RTN4RL1: variants seen among roughly 807,000 people sequenced by gnomAD.
RTN4RL1 encodes the protein reticulon-4 receptor-like 1.
RTN4RL1 carries 7 observed loss-of-function variants against 25.6 expected under a neutral mutation model. That is an observed-to-expected ratio of 0.27 (90% CI 0.16 to 0.51). The LOEUF (loss-of-function observed/expected upper bound fraction) is 0.51, where lower values mean the gene tolerates loss of function less well. Ranked by LOEUF, RTN4RL1 falls within the 20% of genes least tolerant of loss-of-function variation. RTN4RL1 has a pLI of 0.97. For missense variants in RTN4RL1, 500 were observed against 615.6 expected (o/e 0.81, Z 1.99); for synonymous variants, 297 against 288.2 (o/e 1.03, Z -0.31).
intron 1 of RTN4RL1, among the ~76,000 whole-genome samples, chr17:2,007,337 AACACACACACAC>A (rs34669886): frequency 4.3e-5 from 6 of 140,406 alleles, no homozygotes; most frequent in Non-Finnish European, 6.1e-5. Context: ...TCACAGCCCC[AACACACACACAC>A]ACACACACAC....
At chr17:1,953,892 A>C (rs1054333154) in intron 1 of RTN4RL1, among the ~76,000 whole-genome samples, 1 of 152,142 alleles carries the variant, frequency 6.6e-6, no homozygotes, top group Non-Finnish European at 1.5e-5. Flanking sequence ...GGATTGGGAG[A>C]TACAAGGAAG....
intron 1 of RTN4RL1, among the ~76,000 whole-genome samples, chr17:1,940,292 A>C (rs1317050972): frequency 6.6e-6 from 1 of 152,148 alleles, no homozygotes; most frequent in African/African-American, 2.4e-5. Context: ...AGGAATTATG[A>C]CTTCAGCGGT....
At chr17:1,943,580 T>C (rs540215079) in intron 1 of RTN4RL1, among the ~76,000 whole-genome samples, 33 of 152,258 alleles carry the variant, frequency 2.2e-4, no homozygotes, top group Non-Finnish European at 3.8e-4. Flanking sequence ...GATCCTCCTC[T>C]CTATGCCAGT....
At position 1,937,214 on chromosome 17, in the gene RTN4RL1, A is replaced by C; in HGVS notation, c.608T>G (p.Leu203Trp). Reference sequence around the variant, plus strand: ...CCACTGCAGCTGGTTCTCGTGCAGCAAAAGACGGTCCAGGTTCACCAGGCC... The same window carrying C: ...CCACTGCAGCTGGTTCTCGTGCAGCCAAAGACGGTCCAGGTTCACCAGGCC... ...FRGLVNLDRL[L>W]LHENQLQWVH... Residue 203 changes from leucine to tryptophan, a missense_variant, in exon 2 of 2, where the codon TTG becomes TGG. Physicochemically the swap from Leu to Trp is moderately conservative, Grantham distance 61. Transcript: ENST00000331238. 1 of 1,612,410 alleles carries C rather than the reference A, an allele frequency of 6.2e-7. No individual in the cohort carries two copies. Among genetic ancestry groups the C allele is most frequent in the Non-Finnish European group, 8.5e-7 (1 of 1,179,868 alleles).
At chr17:1,971,779 G>A (rs1382960259) in intron 1 of RTN4RL1, among the ~76,000 whole-genome samples, 3 of 151,916 alleles carry the variant, frequency 2.0e-5, no homozygotes, top group Admixed American at 6.6e-5. Flanking sequence ...TAGCTAACAT[G>A]GTGAAACCCC....
intron 1 of RTN4RL1, among the ~76,000 whole-genome samples, chr17:1,992,823 C>T (rs1193312079): frequency 6.6e-6 from 1 of 152,224 alleles, no homozygotes; most frequent in Non-Finnish European, 1.5e-5. Flanking sequence ...CCACGTGTGT[C>T]CTACGCCTGC....
chr17:2,014,008 A>C (rs4790306), intron 1 of RTN4RL1, among the ~76,000 whole-genome samples: 52,966 of 152,110 alleles, frequency 0.35, 9,565 homozygotes, highest in East Asian at 0.55. Flanking sequence ...CTCTGTTTCA[A>C]CCTCTCACTC....
Position 2,025,331 on chromosome 17 carries a change from G to C in RTN4RL1, c.-466C>G, listed in dbSNP as rs1230341121. The C allele has an allele frequency of 6.5e-6, 1 of 153,262 alleles. No homozygotes were observed. Among genetic ancestry groups the C allele is most frequent in the African/African-American group, 2.4e-5 (1 of 41,450 alleles). The allele number at this position is 153,262 out of a possible 1,614,324, so 9.5% of individuals were successfully genotyped here. On this transcript the variant is annotated 5_prime_UTR_variant, in exon 1 of 2. The change creates a new upstream start codon in the 5' untranslated region. Coordinates refer to ENST00000331238, the MANE Select transcript of RTN4RL1 (RefSeq NM_178568.4). This position sits in a 1 kb window ranked among gnomAD's most constrained non-coding sequence, Gnocchi z 4.8. ...CCGGCGCGCGTTTGCAGGACCGAGC[G>C]ATCGGCGGAGCGGGGCGCCTCCCTT... is the stretch of plus-strand genomic sequence containing the variant.
intron 1 of RTN4RL1, among the ~76,000 whole-genome samples, chr17:1,947,120 CTGTG>C (rs1915573394): frequency 1.4e-5 from 2 of 144,770 alleles, no homozygotes; most frequent in Non-Finnish European, 3.0e-5. Context: ...CGCACGGGGT[CTGTG>C]TGTGTCTATG....
chr17:1,938,201 T>C (rs986025352), intron 1 of RTN4RL1, among the ~76,000 whole-genome samples: 4 of 152,252 alleles, frequency 2.6e-5, no homozygotes, highest in Non-Finnish European at 4.4e-5. Context: ...CTGGTTGTTG[T>C]TATCTGTGCT....
chr17:1,937,575 T>C lies in RTN4RL1; in HGVS notation c.247A>G (p.Ile83Val), dbSNP rs969935626. Residue 83 changes from isoleucine (I) to valine (V), a missense_variant, in exon 2 of 2, where the codon ATC (isoleucine) becomes GTC (valine). Ile to Val is a conservative substitution (Grantham distance 29, BLOSUM62 3). This residue lies in a region of RTN4RL1 where 232 missense variants were observed against 341.1 expected (regional missense o/e 0.68). Coordinates refer to ENST00000331238, the MANE Select transcript of RTN4RL1 (RefSeq NM_178568.4). ...ATGTAGGTGATGTTGTTCGAGTAGATCCACAGGGTGACCATGGCGGGGCTG... is the reference window on the plus strand; with the variant it reads ...ATGTAGGTGATGTTGTTCGAGTAGACCCACAGGGTGACCATGGCGGGGCTG... ...HFSPAMVTLWIYSNNITYIHP... is the reference protein window; with the variant it reads ...HFSPAMVTLWVYSNNITYIHP... 3.7e-6 allele frequency: 6 copies of C among 1,613,820 alleles called. No individual in the cohort carries two copies. Among genetic ancestry groups the C allele is most frequent in the Middle Eastern group, 3.3e-4 (2 of 6,062 alleles).
intron 1 of RTN4RL1, among the ~76,000 whole-genome samples, chr17:1,958,845 G>A (rs1915842631): frequency 6.6e-6 from 1 of 152,226 alleles, no homozygotes. Context: ...GTATAAAAAT[G>A]GATCTTGAAT....
At chr17:1,999,673 G>GCCC (rs61003177) in intron 1 of RTN4RL1, among the ~76,000 whole-genome samples, 5 of 150,544 alleles carry the variant, frequency 3.3e-5, no homozygotes, top group African/African-American at 9.8e-5. Context: ...CCCTATACAT[G>GCCC]CCCCCCCCAC....
At chr17:2,011,963 C>T (rs910017793) in intron 1 of RTN4RL1, among the ~76,000 whole-genome samples, 1 of 152,158 alleles carries the variant, frequency 6.6e-6, no homozygotes, top group African/African-American at 2.4e-5. Context: ...TGAGCAACGC[C>T]CCTGGAGCCC....
chr17:1,980,149 G>A (rs1236840670), intron 1 of RTN4RL1, among the ~76,000 whole-genome samples: 1 of 148,208 alleles, frequency 6.7e-6, no homozygotes, highest in Non-Finnish European at 1.5e-5. Context: ...CCAAAGCCTT[G>A]ACCTCCCAGG....
intron 1 of RTN4RL1, among the ~76,000 whole-genome samples, chr17:1,999,714 G>A (rs117178676): frequency 1.2e-3 from 176 of 152,064 alleles, no homozygotes; most frequent in Admixed American, 3.1e-3. Flanking sequence ...ACACTCTTGC[G>A]TGCTGACTGC....
At chr17:1,981,832 A>G (rs1047557633) in intron 1 of RTN4RL1, among the ~76,000 whole-genome samples, 6 of 152,250 alleles carry the variant, frequency 3.9e-5, no homozygotes, top group Non-Finnish European at 7.3e-5. Context: ...GAAATGTATC[A>G]TCAGACCATT....
intron 1 of RTN4RL1, among the ~76,000 whole-genome samples, chr17:1,997,791 C>A (rs181048184): frequency 6.6e-6 from 1 of 152,366 alleles, no homozygotes; most frequent in Non-Finnish European, 1.5e-5. Context: ...CAGGCCTGAG[C>A]CGGGGCTGGG....
chr17:2,013,426 T>C (rs930952939), intron 1 of RTN4RL1, among the ~76,000 whole-genome samples: 7 of 152,246 alleles, frequency 4.6e-5, no homozygotes, highest in Non-Finnish European at 8.8e-5. Flanking sequence ...TGCATTTCTT[T>C]GCCTCAGGGC....
Sources: allele counts gnomAD v4.1 joint callset (sites outside exome capture counted in the v4.1 genomes callset), GRCh38; gene constraint gnomAD v4.1.1; regional missense constraint gnomAD v4.1.1; non-coding constraint Gnocchi (gnomAD v3.1); transcripts MANE v1.5; gene names NCBI Gene and HGNC (gene_info 2026-07-23, HGNC 2026-07-21).